Variants in SIL1 observed in about 807,000 individuals in gnomAD.
SIL1 encodes nucleotide exchange factor SIL1.
A neutral mutation model predicts 49.1 loss-of-function variants in SIL1; 40 were observed. The ratio of observed to expected loss-of-function variants is 0.81; its 90% CI spans 0.63 to 1.06. The LOEUF is 1.06. Among genes scored for constraint, SIL1 ranks in the 50% least tolerant of loss-of-function variants. The pLI is 0.00. For synonymous variants in SIL1, 253 were observed against 250.8 expected, an observed-to-expected ratio of 1.01 and a Z score of -0.08; for missense variants, 500 against 572.6, an observed-to-expected ratio of 0.87 and a Z score of 1.29.
intron 3 of SIL1, among the ~76,000 whole-genome samples, chr5:139,087,740 G>A (rs1223017024): frequency 6.6e-6 from 1 of 152,112 alleles, no homozygotes; most frequent in Non-Finnish European, 1.5e-5. Context: ...AGTAGGGGAA[G>A]GCCACAGGAG....
chr5:139,162,665 G>T (rs1304442831), intron 1 of SIL1, among the ~76,000 whole-genome samples: 4 of 152,152 alleles, frequency 2.6e-5, no homozygotes, highest in African/African-American at 7.2e-5. Flanking sequence ...CAGGTTCAGC[G>T]TAATAAAAGA....
At chr5:139,145,648 G>A (rs905957253) in intron 1 of SIL1, among the ~76,000 whole-genome samples, 5 of 123,496 alleles carry the variant, frequency 4.0e-5, no homozygotes, top group African/African-American at 2.0e-4. Context: ...GTGTGTGTGT[G>A]TGTGTGTGTG....
chr5:139,149,568 G>A (rs1366091281), intron 1 of SIL1, among the ~76,000 whole-genome samples: 2 of 152,120 alleles, frequency 1.3e-5, no homozygotes, highest in Non-Finnish European at 2.9e-5. Context: ...GGGAAAATCG[G>A]CAATTACAGC....
intron 1 of SIL1, among the ~76,000 whole-genome samples, chr5:139,170,129 G>A (rs1378216042): frequency 3.3e-5 from 5 of 152,214 alleles, no homozygotes; most frequent in South Asian, 4.1e-4. Context: ...TCGGCCTCCC[G>A]AGGTGCTGGG....
At chr5:139,197,268 C>CAAAAAA (rs11363617) in intron 1 of SIL1, among the ~76,000 whole-genome samples, 2 of 58,828 alleles carry the variant, frequency 3.4e-5, no homozygotes, top group Non-Finnish European at 6.2e-5. Flanking sequence ...AACTCCGCCT[C>CAAAAAA]AAAAAAAAAA....
chr5:138,958,515 T>C (rs1022293554), intron 7 of SIL1, among the ~76,000 whole-genome samples: 9 of 152,284 alleles, frequency 5.9e-5, no homozygotes, highest in Admixed American at 3.3e-4. Flanking sequence ...TTTCATGTAG[T>C]CGTTTTGGCA....
intron 6 of SIL1, among the ~76,000 whole-genome samples, chr5:139,026,202 T>G (rs1768646525): frequency 6.6e-6 from 1 of 152,210 alleles, no homozygotes. Context: ...TGTTCATTAT[T>G]CAATTACTTC....
At chr5:139,116,691 T>C (rs541989327) in intron 3 of SIL1, among the ~76,000 whole-genome samples, 1 of 152,338 alleles carries the variant, frequency 6.6e-6, no homozygotes, top group Admixed American at 6.5e-5. Context: ...AAGTTACCAA[T>C]GATGCAAACT....
chr5:139,159,105 G>A (rs975896), intron 1 of SIL1, among the ~76,000 whole-genome samples: 89,764 of 149,042 alleles, frequency 0.6, 28,481 homozygotes, highest in African/African-American at 0.81. Flanking sequence ...GAGAGAGAGG[G>A]AAAAAAAAAA....
chr5:139,150,199 G>T (rs1166887281), intron 1 of SIL1, among the ~76,000 whole-genome samples: 1 of 152,186 alleles, frequency 6.6e-6, no homozygotes, highest in Non-Finnish European at 1.5e-5. Context: ...CAGAAAAGCA[G>T]CCTGAGATTT....
At chr5:139,105,383 G>T (rs758677918) in intron 3 of SIL1, among the ~76,000 whole-genome samples, 34 of 152,098 alleles carry the variant, frequency 2.2e-4, no homozygotes, top group Admixed American at 2.6e-4. Context: ...CTGTATCATC[G>T]CAGTGTTGAT....
intron 7 of SIL1, among the ~76,000 whole-genome samples, chr5:138,987,268 C>T (rs1259078222): frequency 6.6e-6 from 1 of 151,842 alleles, no homozygotes; most frequent in Non-Finnish European, 1.5e-5. Flanking sequence ...CACCACCACT[C>T]TTGGTTGCTT....
At chr5:138,970,759 G>A (rs913477402) in intron 7 of SIL1, among the ~76,000 whole-genome samples, 5 of 152,128 alleles carry the variant, frequency 3.3e-5, no homozygotes, top group Non-Finnish European at 7.3e-5. Context: ...AAAATTAGCT[G>A]GGTGTGGCGA....
chr5:139,163,702 A>G (rs1037793322), intron 1 of SIL1, among the ~76,000 whole-genome samples: 1 of 152,220 alleles, frequency 6.6e-6, no homozygotes, highest in African/African-American at 2.4e-5. Context: ...CAGTTATTAA[A>G]TATGCACTAA....
chr5:139,058,926 T>C (rs1223091931), intron 3 of SIL1, among the ~76,000 whole-genome samples: 1 of 151,676 alleles, frequency 6.6e-6, no homozygotes, highest in East Asian at 1.9e-4. Flanking sequence ...TACTAGGGTG[T>C]TGGTATTTCT....
chr5:139,021,698 G>T (rs1157474642), intron 6 of SIL1: 1 of 277,008 alleles, frequency 3.6e-6, no homozygotes, highest in African/African-American at 2.2e-5. Flanking sequence ...GGGGACAGTG[G>T]AGGCAGATTT....
intron 1 of SIL1, among the ~76,000 whole-genome samples, chr5:139,130,670 A>G (rs1253963780): frequency 6.6e-6 from 1 of 152,226 alleles, no homozygotes; most frequent in Non-Finnish European, 1.5e-5. Context: ...AAACAGATAT[A>G]TGTACATCAA....
At chr5:138,982,994 C>T (rs967736313) in intron 7 of SIL1, among the ~76,000 whole-genome samples, 1 of 150,382 alleles carries the variant, frequency 6.6e-6, no homozygotes, top group South Asian at 2.1e-4. Flanking sequence ...GTTAGGAGTT[C>T]GAGGCCAGCC....
intron 3 of SIL1, among the ~76,000 whole-genome samples, chr5:139,112,933 T>G (rs1770900875): frequency 6.6e-6 from 1 of 152,238 alleles, no homozygotes; most frequent in Admixed American, 6.5e-5. Context: ...CATAGGAGAC[T>G]CCATTTTGTT....
Sources: allele counts gnomAD v4.1 joint callset (sites outside exome capture counted in the v4.1 genomes callset), GRCh38; gene constraint gnomAD v4.1.1; transcripts MANE v1.5; gene names NCBI Gene and HGNC (gene_info 2026-07-23, HGNC 2026-07-21).